Variants in ZCCHC24 observed in about 807,000 individuals in gnomAD.
ZCCHC24 encodes the protein zinc finger CCHC domain-containing protein 24.
A neutral mutation model predicts 26.2 loss-of-function variants in ZCCHC24; 10 were observed. The ratio of observed to expected loss-of-function variants is 0.38; its 90% confidence interval spans 0.24 to 0.65. ZCCHC24 has a LOEUF of 0.65. Among genes scored for constraint, ZCCHC24 ranks in the 30% least tolerant of loss-of-function variants. The probability of loss-of-function intolerance (pLI) is 0.54; values close to 1 mark genes in which losing one functional copy is unlikely to be tolerated. For synonymous variants in ZCCHC24, 144 were observed against 147.1 expected, an observed-to-expected ratio of 0.98 and a Z score of 0.15; for missense variants, 243 against 329.1, an observed-to-expected ratio of 0.74 and a Z score of 2.03.
chr10:79,395,223 T>A (rs948988090), intron 2 of ZCCHC24, among the ~76,000 whole-genome samples: 8 of 151,856 alleles, frequency 5.3e-5, no homozygotes, highest in Admixed American at 2.6e-4. Flanking sequence ...TGTTTTTTTT[T>A]ACTGAATAAT....
At position 79,445,405 on chromosome 10, in the gene ZCCHC24, G is replaced by C. The variant is rs1228010649; in HGVS notation, c.36C>G (p.Ala12=). 17 of 1,498,140 alleles carry C rather than the reference G, an allele frequency of 1.1e-5. No homozygotes were observed. Among genetic ancestry groups the C allele is most frequent in the African/African-American group, 2.9e-5 (2 of 69,284 alleles). The allele number at this position is 1,498,140 out of a possible 1,614,324, so 92.8% of individuals were successfully genotyped here. ...SLLSAIDTSA[A]SVYQPAQLLN... ...GCAGCTGGGCGGGCTGGTACACCGA[G>C]GCGGCGCTCGTGTCGATGGCCGACA... Residue 12 remains alanine (A), a synonymous_variant, in exon 1 of 4, where the codon GCC becomes GCG. Transcript: ENST00000372336.
At position 79,402,566 on chromosome 10, in the gene ZCCHC24, T is replaced by C. The variant is rs569169478; in HGVS notation, c.448-8126A>G. ...TGGGGATTATAGGCGTGAGCCACTG[T>C]GCCCGGCCAGAGCCTTGGTTTTTCT... On this transcript the variant is annotated intron_variant, in intron 2 of 3. Coordinates refer to ENST00000372336, the MANE Select transcript of ZCCHC24 (RefSeq NM_153367.4). Among the ~76,000 whole-genome samples, 1,487 of 152,364 alleles carry C rather than the reference T, an allele frequency of 9.8e-3. 13 individuals carry two copies. The highest frequency in any genetic ancestry group is 0.015 in the Non-Finnish European group (995 of 68,036).
At chr10:79,429,068 C>A (rs1425782763) in intron 2 of ZCCHC24, among the ~76,000 whole-genome samples, 26 of 152,198 alleles carry the variant, frequency 1.7e-4, no homozygotes, top group Non-Finnish European at 2.9e-5. Context: ...ATAATTACTG[C>A]TGATACTTTA....
intron 3 of ZCCHC24, among the ~76,000 whole-genome samples, chr10:79,389,529 A>AGTGTGTGTGTGTGTGTGTGT (rs5786399): frequency 5.3e-4 from 78 of 146,330 alleles, no homozygotes; most frequent in African/African-American, 1.9e-3. Context: ...ACTTTTTCCT[A>AGTGTGTGTGTGTGTGTGTGT]GTGTGTGTGT....
intron 2 of ZCCHC24, among the ~76,000 whole-genome samples, chr10:79,422,767 T>G (rs2145993): frequency 0.97 from 147,238 of 152,284 alleles, 71,218 homozygotes; most frequent in East Asian, 1. Flanking sequence ...CGCGGCGCCC[T>G]GTTCTTAGCT....
chr10:79,428,208 A>G (rs1339348202), intron 2 of ZCCHC24, among the ~76,000 whole-genome samples: 2 of 152,372 alleles, frequency 1.3e-5, no homozygotes, highest in Middle Eastern at 6.8e-3. Flanking sequence ...TGAAATGGAT[A>G]CATGCTACAG....
chr10:79,414,150 CAA>C (rs1856831695), intron 2 of ZCCHC24, among the ~76,000 whole-genome samples: 1 of 152,226 alleles, frequency 6.6e-6, no homozygotes, highest in South Asian at 2.1e-4. Flanking sequence ...CTCAAGGAGA[CAA>C]AGTCTGGGCC....
At chr10:79,415,497 A>T (rs937819901) in intron 2 of ZCCHC24, among the ~76,000 whole-genome samples, 3 of 152,076 alleles carry the variant, frequency 2.0e-5, no homozygotes, top group African/African-American at 7.2e-5. Flanking sequence ...CTTATTTCTA[A>T]CCTGGAATAT....
chr10:79,427,083 T>C (rs569224809), intron 2 of ZCCHC24, among the ~76,000 whole-genome samples: 145 of 149,616 alleles, frequency 9.7e-4, no homozygotes, highest in African/African-American at 3.3e-3. Context: ...AAAAAAACAG[T>C]TACTAGAGAA....
At chr10:79,387,467 G>A (rs1019524016) in intron 3 of ZCCHC24, among the ~76,000 whole-genome samples, 1 of 152,212 alleles carries the variant, frequency 6.6e-6, no homozygotes, top group Non-Finnish European at 1.5e-5. Context: ...AGAATTTATG[G>A]AGGCTATGAC....
chr10:79,388,418 C>T (rs1856429282), intron 3 of ZCCHC24, among the ~76,000 whole-genome samples: 1 of 152,214 alleles, frequency 6.6e-6, no homozygotes, highest in Admixed American at 6.5e-5. Flanking sequence ...GGCTGGAGAG[C>T]TGCCTGCTGG....
intron 2 of ZCCHC24, among the ~76,000 whole-genome samples, chr10:79,401,227 T>C (rs1478283604): frequency 6.6e-6 from 1 of 152,152 alleles, no homozygotes; most frequent in Non-Finnish European, 1.5e-5. Context: ...GGTATGTGCC[T>C]CACCCCCAGA....
chr10:79,414,644 C>T (rs1484414955), intron 2 of ZCCHC24, among the ~76,000 whole-genome samples: 1 of 152,188 alleles, frequency 6.6e-6, no homozygotes, highest in Non-Finnish European at 1.5e-5. Context: ...TGGTTATGAT[C>T]ACCTGCAGCC....
chr10:79,394,392 A>C lies in ZCCHC24; in HGVS notation c.496T>G (p.Cys166Gly). ...TTGGGACACTTGTACTCGCCGAAGCAGCGCTTTTTGCCCTGGTATGGAGTC... is the reference window on the plus strand; with the variant it reads ...TTGGGACACTTGTACTCGCCGAAGCCGCGCTTTTTGCCCTGGTATGGAGTC... ...GLTPYQGKKR[C>G]FGEYKCPKCK... Residue 166 changes from cysteine to glycine, a missense_variant, in exon 3 of 4, where the codon TGC (cysteine) becomes GGC (glycine). Cys to Gly is a radical substitution (Grantham distance 159). This residue lies in a region of ZCCHC24 where 96 missense variants were observed against 178.3 expected (regional missense o/e 0.54). Transcript: ENST00000372336. 1 of 1,614,254 alleles carries C rather than the reference A, an allele frequency of 6.2e-7. No individual in the cohort carries two copies. Among genetic ancestry groups the C allele is most frequent in the Non-Finnish European group, 8.5e-7 (1 of 1,180,042 alleles).
intron 2 of ZCCHC24, among the ~76,000 whole-genome samples, chr10:79,407,926 T>A (rs1856741272): frequency 6.6e-6 from 1 of 152,142 alleles, no homozygotes; most frequent in South Asian, 2.1e-4. Flanking sequence ...AGGGCTGGCC[T>A]GGCTCTCCTG....
chr10:79,404,849 T>C (rs1356456684), intron 2 of ZCCHC24, among the ~76,000 whole-genome samples: 2 of 152,028 alleles, frequency 1.3e-5, no homozygotes, highest in African/African-American at 4.8e-5. Context: ...GCACTTACAC[T>C]CAAATAAAGA....
At chr10:79,438,800 G>A (rs1266494042) in intron 1 of ZCCHC24, among the ~76,000 whole-genome samples, 2 of 152,224 alleles carry the variant, frequency 1.3e-5, no homozygotes, top group African/African-American at 2.4e-5. Flanking sequence ...GAGGAGACCT[G>A]GGGAGATCCC....
chr10:79,409,664 C>T (rs1364469158), intron 2 of ZCCHC24, among the ~76,000 whole-genome samples: 3 of 152,194 alleles, frequency 2.0e-5, no homozygotes, highest in Non-Finnish European at 4.4e-5. Flanking sequence ...AGCGGCCTGG[C>T]AACTTCCTGG....
rs1041382421 is a variant in ZCCHC24 at position 79,444,276 on chromosome 10, A to T, written c.246+919T>A. On this transcript the variant is annotated intron_variant, in intron 1 of 3. Coordinates refer to ENST00000372336, the MANE Select transcript of ZCCHC24 (RefSeq NM_153367.4). ...TGGAGGGAGGGGAGGAGTCCAGCCC[A>T]CGGAAAGGAGTGGTATCTGGGCAGG... 2.7e-5 allele frequency: 39 copies of T among 1,425,876 alleles called. No individual in the cohort carries two copies. In the African/African-American group the frequency reaches 4.7e-4, roughly 17 times the overall value. The allele number at this position is 1,425,876 out of a possible 1,614,324, so 88.3% of individuals were successfully genotyped here.
Sources: allele counts gnomAD v4.1 joint callset (sites outside exome capture counted in the v4.1 genomes callset), GRCh38; gene constraint gnomAD v4.1.1; regional missense constraint gnomAD v4.1.1; transcripts MANE v1.5; gene names NCBI Gene and HGNC (gene_info 2026-07-23, HGNC 2026-07-21).